Variants in LRRC57 observed in about 807,000 individuals in gnomAD.
LRRC57 encodes leucine rich repeat containing 57, also known as leucine-rich repeat-containing protein 57.
In LRRC57, 14 loss-of-function variants were observed where a neutral mutation model predicts 23.1. That is an observed-to-expected ratio of 0.61 (90% confidence interval 0.40 to 0.95). The LOEUF is 0.95. Ranked by LOEUF, LRRC57 falls within the 40% of genes least tolerant of loss-of-function variation. The pLI is 0.00. For missense variants in LRRC57, 236 were observed against 284.4 expected, an observed-to-expected ratio of 0.83 and a Z score of 1.22; for synonymous variants, 106 against 115.2, an observed-to-expected ratio of 0.92 and a Z score of 0.51.
At chr15:42,528,677 C>T in the LRRC57 span, among the ~76,000 whole-genome samples, 1 of 152,216 alleles carries the variant, frequency 6.6e-6, no homozygotes, top group East Asian at 1.9e-4. Flanking sequence ...CCTCTGCCTC[C>T]CAGGTTCAAG....
rs962159545 is a variant in LRRC57 at position 42,544,708 on chromosome 15, G to C, written c.678+369C>G. On this transcript the variant is annotated intron_variant, in intron 5 of 5. Transcript: ENST00000397130. ...ACACGACTGTGATCCCAGCTACTAG[G>C]GGGGCTGAGGGATGAGAATCGCTTG... Among the ~76,000 whole-genome samples, 21 of 151,446 alleles carry C rather than the reference G, an allele frequency of 1.4e-4. No individual in the cohort carries two copies. The South Asian group carries it at 2.3e-3, about 17-fold the overall frequency.
rs745454096 is a variant in LRRC57 at position 42,544,131 on chromosome 15, A to G, written c.679-7T>C. On this transcript the variant is annotated splice_polypyrimidine_tract_variant and splice_region_variant and intron_variant, in intron 5 of 5. Transcript: ENST00000397130. ...CTGTGAACCTCTCCATGTACTAAAA[A>G]ACATGAAAGAATACATAAGGGGTAT... The G allele has an allele frequency of 6.2e-7, 1 of 1,609,292 alleles. No individual in the cohort carries two copies. Among genetic ancestry groups the G allele is most frequent in the Non-Finnish European group, 8.5e-7 (1 of 1,176,776 alleles).
rs1472642035 is a variant in LRRC57 at position 42,547,200 on chromosome 15, G to T, written c.492+61C>A. The stretch of plus-strand genomic sequence containing the variant: ...AGTTTAGGAAACAAGAGGTTAACAG[G>T]TATCAGGAGACCTTAAAGCCACACA... On this transcript the variant is annotated intron_variant, in intron 4 of 5. Transcript: ENST00000397130. 3.2e-6 allele frequency: 5 copies of T among 1,543,246 alleles called. No homozygotes were observed. In the South Asian group the frequency reaches 4.7e-5, roughly 15 times the overall value.
In LRRC57 at chr15:42,545,253, T is replaced by C; in HGVS notation, c.502A>G (p.Ile168Val). The C allele has an allele frequency of 6.4e-7, 1 of 1,565,170 alleles. No homozygotes were observed. The highest frequency in any genetic ancestry group is 1.2e-5 in the South Asian group (1 of 84,118). The change falls in exon 5 of 6, where the codon ATC (isoleucine) becomes GTC (valine). Residue 168 changes from isoleucine to valine, a missense_variant. Ile to Val is a conservative substitution (Grantham distance 29). Transcript: ENST00000397130. ...GGACAGCAAGATATCTTCACTGAGA[T>C]CTGAGATATCTATTGAAAAACCACA... is the stretch of plus-strand genomic sequence containing the variant. ...LNLNQNQISQ[I>V]SVKISCCPRL... is the part of the protein sequence containing the mutation.
rs889261492 is a variant in LRRC57, at chr15:42,543,877, T to A, written c.*206A>T. 4.4e-6 allele frequency: 2 copies of A among 456,526 alleles called. No individual in the cohort carries two copies. Among genetic ancestry groups the A allele is most frequent in the African/African-American group, 3.9e-5 (2 of 51,532 alleles). The allele number at this position is 456,526 out of a possible 1,614,324, so 28.3% of individuals were successfully genotyped here. A position where few individuals can be genotyped will look rare whatever the true frequency, so the allele number is the denominator to read the frequency against. ...CTACTCATGACTCAAAACGGAAGAC[T>A]TTTCCTGTCTCCTGATCCTTTTTCT... On this transcript the variant is annotated 3_prime_UTR_variant, in exon 6 of 6. Transcript: ENST00000397130.
chr15:42,548,496 C>T lies in LRRC57; in HGVS notation c.-22-40G>A, dbSNP rs1242982081. The stretch of plus-strand genomic sequence containing the variant: ...CGCTGCTGTCACCGCCCAGTCCACC[C>T]GGTCGGCCTCCCGGCTGGGGCTCCT... On this transcript the variant is annotated intron_variant, in intron 1 of 5. Transcript: ENST00000397130. The T allele has an allele frequency of 3.9e-6, 6 of 1,549,010 alleles. No homozygotes were observed. In the African/African-American group the frequency reaches 6.8e-5, roughly 18 times the overall value.
downstream of LRRC57, among the ~76,000 whole-genome samples, chr15:42,537,149 C>T (rs751594725): frequency 1.3e-5 from 2 of 151,628 alleles, no homozygotes; most frequent in African/African-American, 2.4e-5. Context: ...GAGGCTGAGG[C>T]GGGAGGATCA....
At chr15:42,534,838 C>T (rs1037908585), downstream of LRRC57, among the ~76,000 whole-genome samples, 1 of 152,194 alleles carries the variant, frequency 6.6e-6, no homozygotes, top group Non-Finnish European at 1.5e-5. Context: ...TACTTCTCAA[C>T]AGTGGGTTTA....
the LRRC57 span, chr15:42,532,175 T>G: frequency 2.6e-5 from 4 of 151,902 alleles, no homozygotes; most frequent in Non-Finnish European, 4.4e-5. Flanking sequence ...CACTGCAACC[T>G]CCGCCTCCCT....
chr15:42,547,591 G>T (rs1237939298), intron 3 of LRRC57, 62 bp from the exon 4 acceptor site: 4 of 1,471,240 alleles, frequency 2.7e-6, no homozygotes, highest in Non-Finnish European at 3.7e-6. Flanking sequence ...CTTTGATGAA[G>T]TTTATAAAGA....
the LRRC57 span, chr15:42,531,746 T>C: frequency 3.5e-6 from 1 of 285,038 alleles, no homozygotes; most frequent in Non-Finnish European, 6.5e-6. Flanking sequence ...ATCCTCCTCA[T>C]ATACTTCAGC....
chr15:42,548,544 G>A (rs1310220581), intron 1 of LRRC57, 88 bp from the exon 2 acceptor site: 2 of 1,062,424 alleles, frequency 1.9e-6, no homozygotes, highest in Non-Finnish European at 2.7e-6. Flanking sequence ...AACTCCCGCC[G>A]ATCCCTGGCT....
intron 4 of LRRC57, among the ~76,000 whole-genome samples, chr15:42,546,781 AC>A (rs1483826400): frequency 2.6e-5 from 4 of 152,226 alleles, no homozygotes; most frequent in Admixed American, 6.5e-5. Context: ...AAAGCCTATC[AC>A]TTAATATTCT....
intron 3 of LRRC57, 21 bp from the exon 4 acceptor site, chr15:42,547,550 T>C (rs768336001): frequency 6.3e-7 from 1 of 1,592,142 alleles, no homozygotes; most frequent in Non-Finnish European, 8.6e-7. Context: ...AAAATTTTTT[T>C]AAAACCTGAA....
At chr15:42,547,158 C>T in intron 4 of LRRC57, 103 bp downstream of exon 4, 1 of 1,292,380 alleles carries the variant, frequency 7.7e-7, no homozygotes, top group South Asian at 1.4e-5. Context: ...GCCTCTGATA[C>T]TTAGCTCTAT....
chr15:42,540,951 G>C lies in LRRC57; in HGVS notation c.*3132C>G, dbSNP rs1308700595. 2.0e-5 allele frequency: 3 copies of C among 151,692 alleles called. No homozygotes were observed. The highest frequency in any genetic ancestry group is 4.8e-5 in the African/African-American group (2 of 41,240). 9.4% of individuals were successfully genotyped at this position (151,692 alleles called of 1,614,324 possible). On this transcript the variant is annotated 3_prime_UTR_variant, in exon 6 of 6. Coordinates refer to ENST00000397130, the MANE Select transcript of LRRC57 (RefSeq NM_153260.3). The stretch of plus-strand genomic sequence containing the variant: ...GGAGGCTGAGGCAGGAGAATTGCTT[G>C]AACCTGGGAGGCAGAGGTTGCAATG...
chr15:42,529,938 T>A, the LRRC57 span: 1 of 1,066,028 alleles, frequency 9.4e-7, no homozygotes, highest in Non-Finnish European at 1.3e-6. Flanking sequence ...TCATAGGTCT[T>A]AATTCTGATG....
chr15:42,531,239 G>A, the LRRC57 span, among the ~76,000 whole-genome samples: 2 of 152,036 alleles, frequency 1.3e-5, no homozygotes, highest in Admixed American at 1.3e-4. Flanking sequence ...TATATACCAG[G>A]GGTTTTCCAA....
At position 42,542,787 on chromosome 15, in the gene LRRC57, C is replaced by T. The variant is rs1451317098; in HGVS notation, c.*1296G>A. On this transcript the variant is annotated 3_prime_UTR_variant, in exon 6 of 6. Coordinates refer to ENST00000397130, the MANE Select transcript of LRRC57 (RefSeq NM_153260.3). The stretch of plus-strand genomic sequence containing the variant: ...TTCAGAGCCCTCTACCAATAAGGCA[C>T]CTGCAATAGTAGATAATTTGCTACC... 2 of 152,594 alleles carry T rather than the reference C, an allele frequency of 1.3e-5. No individual in the cohort carries two copies. The highest frequency in any genetic ancestry group is 4.8e-5 in the African/African-American group (2 of 41,428). The allele number at this position is 152,594 out of a possible 1,614,324, so 9.5% of individuals were successfully genotyped here. A position where few individuals can be genotyped will look rare whatever the true frequency, so the allele number is the denominator to read the frequency against.
Sources: allele counts gnomAD v4.1 joint callset (sites outside exome capture counted in the v4.1 genomes callset), GRCh38; gene constraint gnomAD v4.1.1; transcripts MANE v1.5; gene names NCBI Gene and HGNC (gene_info 2026-07-23, HGNC 2026-07-21).